Variants in GLRB observed in about 807,000 individuals in gnomAD.
GLRB encodes the protein glycine receptor beta.
In GLRB, 33 loss-of-function variants were observed where a neutral mutation model predicts 54.2. The ratio of observed to expected loss-of-function variants is 0.61; its 90% CI spans 0.46 to 0.81. The LOEUF (loss-of-function observed/expected upper bound fraction) is 0.81, where lower values mean the gene tolerates loss of function less well. Ranked by LOEUF, GLRB falls within the 40% of genes least tolerant of loss-of-function variation. The probability of loss-of-function intolerance (pLI) is 0.00; values close to 1 mark genes in which losing one functional copy is unlikely to be tolerated. For missense variants in GLRB, 572 were observed against 584.6 expected (o/e 0.98, Z 0.22); for synonymous variants, 209 against 208.2 (o/e 1.00, Z -0.03).
At chr4:157,163,045 C>A (rs962922495) in intron 9 of GLRB, among the ~76,000 whole-genome samples, 2 of 152,178 alleles carry the variant, frequency 1.3e-5, no homozygotes, top group Non-Finnish European at 2.9e-5. Context: ...GCGGACACCC[C>A]TCCCCCAGCC....
At chr4:157,138,667 C>T in intron 6 of GLRB, 142 bp from the exon 7 acceptor site, 2 of 585,044 alleles carry the variant, frequency 3.4e-6, no homozygotes, top group Non-Finnish European at 6.1e-6. Context: ...TGGGTTTTAC[C>T]TCTTTACATT....
At chr4:157,086,447 A>C (rs1734416111) in intron 2 of GLRB, among the ~76,000 whole-genome samples, 1 of 152,202 alleles carries the variant, frequency 6.6e-6, no homozygotes, top group Admixed American at 6.5e-5. Context: ...CTGAAGCATT[A>C]TGTTGAATTC....
Position 157,136,450 on chromosome 4 carries a change from G to A in GLRB, c.298-19G>A, listed in dbSNP as rs371067472. 543 of 1,302,610 alleles carry A rather than the reference G, an allele frequency of 4.2e-4. No homozygotes were observed. The highest frequency in any genetic ancestry group is 5.8e-4 in the Non-Finnish European group (523 of 895,912). 80.7% of individuals were successfully genotyped at this position (1,302,610 alleles called of 1,614,324 possible). A position where few individuals can be genotyped will look rare whatever the true frequency, so the allele number is the denominator to read the frequency against. ...TAGCAATAAACATACACATGTGCACGCATGTACTTTTTCTTCAGGACTATA... is the reference window on the plus strand; with the variant it reads ...TAGCAATAAACATACACATGTGCACACATGTACTTTTTCTTCAGGACTATA... On this transcript the variant is annotated intron_variant, in intron 4 of 9. Transcript: ENST00000264428.
At chr4:157,098,377 G>A (rs1222952239) in intron 2 of GLRB, among the ~76,000 whole-genome samples, 2 of 152,128 alleles carry the variant, frequency 1.3e-5, no homozygotes, top group Non-Finnish European at 2.9e-5. Context: ...TTGCAATAGG[G>A]AGAATGCTCT....
rs752345500 is a variant in GLRB, at chr4:157,136,843, G to A, written c.567G>A (p.Leu189=). The A allele has an allele frequency of 1.6e-5, 26 of 1,610,926 alleles. No individual in the cohort carries two copies. Among genetic ancestry groups the A allele is most frequent in the Non-Finnish European group, 1.7e-5 (20 of 1,177,264 alleles). ...ITLSCPLDLT[L]FPMDTQRCKM... is the part of the protein sequence containing the mutation. ...TTTCATGCCCTTTGGACTTGACATT[G>A]TTTCCCATGGATACACAACGTTGCA... is the stretch of plus-strand genomic sequence containing the variant. The change falls in exon 6 of 10, where the codon TTG becomes TTA. Residue 189 remains leucine, a synonymous_variant. Coordinates refer to ENST00000264428, the MANE Select transcript of GLRB (RefSeq NM_000824.5).
At chr4:157,097,952 C>T (rs1044446650) in intron 2 of GLRB, among the ~76,000 whole-genome samples, 10 of 151,850 alleles carry the variant, frequency 6.6e-5, no homozygotes, top group African/African-American at 9.7e-5. Context: ...ACCTGGGAGG[C>T]GGAGGTTGCA....
At chr4:157,102,116 GTCA>G (rs1227825357) in intron 2 of GLRB, among the ~76,000 whole-genome samples, 1 of 152,106 alleles carries the variant, frequency 6.6e-6, no homozygotes, top group African/African-American at 2.4e-5. Flanking sequence ...AGCTCAAAAA[GTCA>G]TCATGTTGTA....
At chr4:157,121,993 T>A (rs1735839945) in intron 3 of GLRB, among the ~76,000 whole-genome samples, 1 of 151,672 alleles carries the variant, frequency 6.6e-6, no homozygotes, top group African/African-American at 2.4e-5. Flanking sequence ...AAGAATAATT[T>A]GTAGTTCCTT....
chr4:157,120,485 C>G (rs1735772774), intron 2 of GLRB, 71 bp from the exon 3 acceptor site: 1 of 717,382 alleles, frequency 1.4e-6, no homozygotes, highest in Non-Finnish European at 2.5e-6. Flanking sequence ...GTCTTTCCTC[C>G]CAATGAGAAT....
chr4:157,106,270 T>G (rs1442950145), intron 2 of GLRB, among the ~76,000 whole-genome samples: 1 of 152,150 alleles, frequency 6.6e-6, no homozygotes, highest in African/African-American at 2.4e-5. Flanking sequence ...CCACTGATAG[T>G]CTTATGGAGG....
chr4:157,085,956 A>G (rs1178629467), intron 2 of GLRB, among the ~76,000 whole-genome samples: 1 of 152,064 alleles, frequency 6.6e-6, no homozygotes, highest in Non-Finnish European at 1.5e-5. Flanking sequence ...TTATGTGTGT[A>G]GGTATGTATA....
At chr4:157,137,595 T>C (rs1736450160) in intron 6 of GLRB, among the ~76,000 whole-genome samples, 1 of 152,162 alleles carries the variant, frequency 6.6e-6, no homozygotes. Context: ...CAAAACATCT[T>C]GCATATGTAT....
At chr4:157,148,213 T>TA (rs1421496318) in intron 8 of GLRB, among the ~76,000 whole-genome samples, 2 of 152,172 alleles carry the variant, frequency 1.3e-5, no homozygotes, top group Non-Finnish European at 2.9e-5. Context: ...TAGGCTGTAG[T>TA]AGTAATGTTC....
intron 4 of GLRB, among the ~76,000 whole-genome samples, chr4:157,125,967 A>C (rs1460430187): frequency 6.6e-6 from 1 of 151,796 alleles, no homozygotes; most frequent in Non-Finnish European, 1.5e-5. Flanking sequence ...TCTGAAATTC[A>C]AACCATTCTA....
chr4:157,098,766 G>A (rs1183567269), intron 2 of GLRB, among the ~76,000 whole-genome samples: 3 of 151,552 alleles, frequency 2.0e-5, no homozygotes, highest in Admixed American at 6.6e-5. Context: ...CCACCATGCT[G>A]GCTAATTTTT....
At chr4:157,119,341 A>G (rs768238248) in intron 2 of GLRB, among the ~76,000 whole-genome samples, 1 of 151,654 alleles carries the variant, frequency 6.6e-6, no homozygotes, top group Non-Finnish European at 1.5e-5. Context: ...TTTTATGAAC[A>G]TCAGCATGAT....
intron 7 of GLRB, 118 bp from the exon 8 acceptor site, chr4:157,143,689 A>G: frequency 9.9e-7 from 1 of 1,010,146 alleles, no homozygotes; most frequent in East Asian, 2.6e-5. Context: ...TTTTTGAGGC[A>G]TTTCCTCTGT....
intron 2 of GLRB, among the ~76,000 whole-genome samples, chr4:157,112,696 G>C (rs1009723396): frequency 3.3e-5 from 5 of 151,846 alleles, no homozygotes; most frequent in Admixed American, 6.6e-5. Flanking sequence ...GGCCCTTCAG[G>C]GTTGTCTTAA....
At position 157,132,700 on chromosome 4, in the gene GLRB, C is replaced by A. The variant is rs74599968; in HGVS notation, c.298-3769C>A. Among the ~76,000 whole-genome samples the A allele has an allele frequency of 6.1e-3, 921 of 152,030 alleles. 6 individuals are homozygous for A. Among genetic ancestry groups the A allele is most frequent in the African/African-American group, 0.017 (705 of 41,538 alleles). ...ATGTTCTTATCCCTCTCAGATAGCT[C>A]AGACCTTTGAACATGGGAAGTCTTT... On this transcript the variant is annotated intron_variant, in intron 4 of 9. Transcript: ENST00000264428.
Sources: gnomAD v4.1 joint callset for allele counts (sites outside exome capture counted in the v4.1 genomes callset) on GRCh38, gnomAD v4.1.1 for gene constraint, MANE v1.5 for transcripts, NCBI Gene and HGNC (gene_info 2026-07-23, HGNC 2026-07-21) for gene names.